The following EHBP1L1 variants were observed in gnomAD, a reference collection of about 807,000 sequenced individuals.
EHBP1L1 encodes EH domain binding protein 1 like 1, also known as EH domain-binding protein 1-like protein 1.
Under a neutral mutation model 151.1 loss-of-function variants are expected in EHBP1L1, and 122 were observed. That is an observed-to-expected ratio of 0.81 (90% CI 0.70 to 0.94). EHBP1L1 has a LOEUF of 0.94. EHBP1L1 is among the 40% of genes least tolerant of loss of function. The pLI, the probability that EHBP1L1 is intolerant of heterozygous loss-of-function variation, is 0.00. For missense variants in EHBP1L1, 1,941 were observed against 1,959.8 expected, an observed-to-expected ratio of 0.99 and a Z score of 0.18; for synonymous variants, 878 against 810.1, an observed-to-expected ratio of 1.08 and a Z score of -1.42.
Position 65,583,666 on chromosome 11 carries a change from C to T in EHBP1L1, c.2994C>T (p.Ser998=). ...CTGAGGGAAGCCTCACAGAGGCCAG[C>T]CTGCCTGAAGCACAGGTGGCCAGTG... The part of the protein sequence containing the change: ...KEAEGSLTEA[S]LPEAQVASGA... Residue 998 remains serine (S), a synonymous_variant, in exon 9 of 19, where the codon AGC becomes AGT. Transcript: ENST00000309295. 6.3e-7 allele frequency: 1 copy of T among 1,588,564 alleles called. No individual in the cohort carries two copies. The highest frequency in any genetic ancestry group is 1.7e-4 in the Middle Eastern group (1 of 5,944).
intron 12 of EHBP1L1, among the ~76,000 whole-genome samples, 157 bp from the exon 13 acceptor site, chr11:65,589,594 C>T (rs75264210): frequency 2.6e-5 from 4 of 151,964 alleles, no homozygotes; most frequent in Admixed American, 6.6e-5. Context: ...GAGGTGGGCC[C>T]GGGGGTTCTG....
At position 65,582,575 on chromosome 11, in the gene EHBP1L1, G is replaced by A. The variant is rs150436565; in HGVS notation, c.1903G>A (p.Glu635Lys). ...ACAGTGTGAGGGACTGGAGACCCAG[G>A]AAACAGAGGTGGGGGTCATAGAGAC... Reference protein sequence around the residue: ...TAQCEGLETQETEVGVIETPG... With the variant: ...TAQCEGLETQKTEVGVIETPG... The change falls in exon 9 of 19, where the codon GAA becomes AAA. Residue 635 changes from glutamate to lysine, a missense_variant. Physicochemically the swap from Glu to Lys is moderately conservative, Grantham distance 56 (BLOSUM62 1). Coordinates refer to ENST00000309295, the MANE Select transcript of EHBP1L1 (RefSeq NM_001099409.3). 1.9e-6 allele frequency: 3 copies of A among 1,613,396 alleles called. No homozygotes were observed. The highest frequency in any genetic ancestry group is 2.5e-6 in the Non-Finnish European group (3 of 1,179,806).
chr11:65,579,851 A>C, intron 3 of EHBP1L1, 85 bp from the exon 4 acceptor site: 1 of 1,455,880 alleles, frequency 6.9e-7, no homozygotes, highest in Non-Finnish European at 9.4e-7. Context: ...AGCCACCACT[A>C]CCAAGCACCT....
In EHBP1L1 at chr11:65,583,557, T is replaced by C. The variant is rs773390437; in HGVS notation, c.2885T>C (p.Leu962Ser). The change falls in exon 9 of 19, where the codon TTA (leucine) becomes TCA (serine). Residue 962 changes from leucine to serine, a missense_variant. Physicochemically the swap from Leu to Ser is moderately radical, Grantham distance 145. Transcript: ENST00000309295. ...WGAQEAEMKV[L>S]ESPENKSGTF... ...GCCCAGGAAGCAGAGATGAAGGTTT[T>C]AGAGTCTCCAGAGAACAAATCTGGT... 1.9e-6 allele frequency: 3 copies of C among 1,612,704 alleles called. No individual in the cohort carries two copies. The highest frequency in any genetic ancestry group is 1.7e-5 in the Admixed American group (1 of 59,842).
chr11:65,590,371 G>A (rs1214814423), intron 15 of EHBP1L1, 122 bp from the exon 16 acceptor site: 15 of 1,493,954 alleles, frequency 1.0e-5, no homozygotes, highest in Middle Eastern at 2.4e-4. Context: ...TGGCTTCCTC[G>A]AGGCACACAG....
At position 65,583,060 on chromosome 11, in the gene EHBP1L1, C is replaced by G; in HGVS notation, c.2388C>G (p.Ile796Met). The change falls in exon 9 of 19, where the codon ATC becomes ATG. Residue 796 changes from isoleucine (I) to methionine (M), a missense_variant. Physicochemically the swap from Ile to Met is conservative, Grantham distance 10 (BLOSUM62 1). Coordinates refer to ENST00000309295, the MANE Select transcript of EHBP1L1 (RefSeq NM_001099409.3). ...GGTTAGAAGCTGATACAACAGGGAT[C>G]CAGGTGAAAGAGGTTGGGGGTTCAG... ...VPGLEADTTG[I>M]QVKEVGGSEV... 1 of 1,613,118 alleles carries G rather than the reference C, an allele frequency of 6.2e-7. No homozygotes were observed. The highest frequency in any genetic ancestry group is 8.5e-7 in the Non-Finnish European group (1 of 1,179,648).
chr11:65,590,630 C>T (rs1458986996), intron 16 of EHBP1L1, 38 bp downstream of exon 16: 2 of 1,580,494 alleles, frequency 1.3e-6, no homozygotes, highest in Non-Finnish European at 1.7e-6. Flanking sequence ...CAGAGGGACT[C>T]TTAGCTACTT....
At chr11:65,589,911 G>GC (rs752602657) in intron 13 of EHBP1L1, 25 bp from the exon 14 acceptor site, 1 of 1,542,506 alleles carries the variant, frequency 6.5e-7, no homozygotes, top group East Asian at 2.3e-5. Flanking sequence ...GTTAGGGGGT[G>GC]CCTTATCATC....
chr11:65,580,306 TC>T, intron 5 of EHBP1L1, 30 bp from the exon 6 acceptor site: 1 of 1,613,408 alleles, frequency 6.2e-7, no homozygotes, highest in South Asian at 1.1e-5. Flanking sequence ...GACCTCTGAC[TC>T]CACCCTCACC....
At chr11:65,587,037 G>A (rs1199211418) in intron 12 of EHBP1L1, among the ~76,000 whole-genome samples, 1 of 152,218 alleles carries the variant, frequency 6.6e-6, no homozygotes, top group Non-Finnish European at 1.5e-5. Flanking sequence ...AGCTCCCAAA[G>A]TCCTGGTCTT....
chr11:65,585,422 G>T lies in EHBP1L1; in HGVS notation c.3764G>T (p.Arg1255Leu). ...GGCGGCGGCGGCGTGAGGCTGCGAC[G>T]GCCCTCGGTCAACGGGGAGCCCGGG... is the stretch of plus-strand genomic sequence containing the variant. The part of the protein sequence containing the change: ...APGGGGVRLR[R>L]PSVNGEPGSV... Residue 1255 changes from arginine to leucine, a missense_variant, in exon 12 of 19, where the codon CGG (arginine) becomes CTG (leucine). Physicochemically the swap from Arg to Leu is moderately radical, Grantham distance 102 (BLOSUM62 -2). Coordinates refer to ENST00000309295, the MANE Select transcript of EHBP1L1 (RefSeq NM_001099409.3). The surrounding 1 kb of genome is among the most constrained non-coding windows in gnomAD (Gnocchi z 4.0). 6.9e-7 allele frequency: 1 copy of T among 1,442,918 alleles called. No individual in the cohort carries two copies. The highest frequency in any genetic ancestry group is 9.1e-7 in the Non-Finnish European group (1 of 1,104,900). The allele number at this position is 1,442,918 out of a possible 1,614,324, so 89.4% of individuals were successfully genotyped here. A position where few individuals can be genotyped will look rare whatever the true frequency, so the allele number is the denominator to read the frequency against.
In EHBP1L1 at chr11:65,582,553, G is replaced by C; in HGVS notation, c.1881G>C (p.Gln627His). The change falls in exon 9 of 19, where the codon CAG (glutamine) becomes CAC (histidine). Residue 627 changes from glutamine (Q) to histidine (H), a missense_variant. By Grantham distance (24) the Gln-to-His change is conservative. Coordinates refer to ENST00000309295, the MANE Select transcript of EHBP1L1 (RefSeq NM_001099409.3). ...VLESEVAGTA[Q>H]CEGLETQETE... is the part of the protein sequence containing the mutation. ...AGTCAGAGGTTGCTGGGACAGCACA[G>C]TGTGAGGGACTGGAGACCCAGGAAA... 6.2e-7 allele frequency: 1 copy of C among 1,613,502 alleles called. No homozygotes were observed. The highest frequency in any genetic ancestry group is 1.7e-5 in the Admixed American group (1 of 60,024).
At chr11:65,588,939 G>GGACA (rs1858115574) in intron 12 of EHBP1L1, among the ~76,000 whole-genome samples, 1 of 152,140 alleles carries the variant, frequency 6.6e-6, no homozygotes, top group Non-Finnish European at 1.5e-5. Context: ...GGAGCCCTGA[G>GGACA]GACAGAAGGG....
rs1208052668 is a variant in EHBP1L1, at chr11:65,582,474, A to G, written c.1802A>G (p.Glu601Gly). 5.0e-6 allele frequency: 8 copies of G among 1,612,844 alleles called. No individual in the cohort carries two copies. The highest frequency in any genetic ancestry group is 6.8e-6 in the Non-Finnish European group (8 of 1,179,816). ...GSGFPETRTL[E>G]IEILGALEKE... ...GGGTTCCCAGAGACTAGGACACTAG[A>G]AATTGAGATATTGGGGGCCTTGGAG... The change falls in exon 9 of 19, where the codon GAA (glutamate) becomes GGA (glycine). Residue 601 changes from glutamate (E) to glycine (G), a missense_variant. Glu to Gly is a moderately conservative substitution (Grantham distance 98). Transcript: ENST00000309295.
At position 65,591,966 on chromosome 11, in the gene EHBP1L1, C is replaced by G; in HGVS notation, c.4358-10C>G. The G allele has an allele frequency of 6.2e-7, 1 of 1,610,108 alleles. No homozygotes were observed. The highest frequency in any genetic ancestry group is 8.5e-7 in the Non-Finnish European group (1 of 1,177,134). On this transcript the variant is annotated splice_polypyrimidine_tract_variant and intron_variant, in intron 17 of 18. Coordinates refer to ENST00000309295, the MANE Select transcript of EHBP1L1 (RefSeq NM_001099409.3). ...CGCGCCTCCTGACGCTTAGCCGCTTCGACCCTCAGACTGGCAGAAAACGTC... is the reference window on the plus strand; with the variant it reads ...CGCGCCTCCTGACGCTTAGCCGCTTGGACCCTCAGACTGGCAGAAAACGTC...
Position 65,585,386 on chromosome 11 carries a change from CG to C in EHBP1L1, c.3733del (p.Ala1245HisfsTer7). 2 of 1,277,802 alleles carry C rather than the reference CG, an allele frequency of 1.6e-6. No homozygotes were observed. Among genetic ancestry groups the C allele is most frequent in the South Asian group, 1.7e-5 (1 of 58,240 alleles). 79.2% of individuals were successfully genotyped at this position (1,277,802 alleles called of 1,614,324 possible). On this transcript the variant is annotated frameshift_variant, in exon 12 of 19. Transcript: ENST00000309295. LOFTEE classifies it high-confidence loss of function. The surrounding 1 kb of genome is among the most constrained non-coding windows in gnomAD (Gnocchi z 4.0). The part of the protein sequence containing the change: ...EVPAEGLVNG[A>X]GAPGGGGVRL... Reference sequence around the variant, plus strand: ...CCGGCCGAGGGGCTGGTGAACGGGGCGGGGGCACCGGGCGGCGGCGGCGTGA... The same window carrying C: ...CCGGCCGAGGGGCTGGTGAACGGGGCGGGGCACCGGGCGGCGGCGGCGTGA...
At position 65,592,247 on chromosome 11, in the gene EHBP1L1, G is replaced by C. The variant is rs1192661837; in HGVS notation, c.4517G>C (p.Arg1506Pro). The change falls in exon 19 of 19, where the codon CGG becomes CCG. Residue 1506 changes from arginine (R) to proline (P), a missense_variant. By Grantham distance (103) the Arg-to-Pro change is moderately radical. Transcript: ENST00000309295. ...DERLERGLEQ[R>P]RRKLSRQLSR... ...CGCCTGGAGCGCGGCCTGGAACAGC[G>C]GCGCCGCAAGCTGAGCCGGCAGTTG... The C allele has an allele frequency of 1.3e-6, 2 of 1,534,832 alleles. No individual in the cohort carries two copies. Among genetic ancestry groups the C allele is most frequent in the East Asian group, 4.9e-5 (2 of 40,850 alleles).
At chr11:65,584,458 C>G (rs11227228) in intron 10 of EHBP1L1, 28 bp from the exon 11 acceptor site, 47,334 of 1,613,406 alleles carry the variant, frequency 0.029, 832 homozygotes, top group Middle Eastern at 0.053. Context: ...AGTGTGGACC[C>G]AGCCTCTGAC....
Position 65,582,167 on chromosome 11 carries a change from A to G in EHBP1L1, c.1495A>G (p.Arg499Gly), listed in dbSNP as rs1857648129. Residue 499 changes from arginine (R) to glycine (G), a missense_variant, in exon 9 of 19, where the codon AGG (arginine) becomes GGG (glycine). Arg to Gly is a moderately radical substitution (Grantham distance 125). Coordinates refer to ENST00000309295, the MANE Select transcript of EHBP1L1 (RefSeq NM_001099409.3). ...SGQLGDLEGARAAAGQEREGA... is the reference protein window; with the variant it reads ...SGQLGDLEGAGAAAGQEREGA... The stretch of plus-strand genomic sequence containing the variant: ...GCAACTTGGTGACCTCGAGGGGGCC[A>G]GGGCTGCTGCAGGCCAGGAGAGAGA... The G allele has an allele frequency of 3.2e-6, 5 of 1,575,208 alleles. No homozygotes were observed. The highest frequency in any genetic ancestry group is 4.3e-6 in the Non-Finnish European group (5 of 1,162,274).
Sources: gnomAD v4.1 joint callset for allele counts (sites outside exome capture counted in the v4.1 genomes callset) on GRCh38, gnomAD v4.1.1 for gene constraint, Gnocchi (gnomAD v3.1) non-coding constraint, MANE v1.5 for transcripts, NCBI Gene and HGNC (gene_info 2026-07-23, HGNC 2026-07-21) for gene names.